Variants in KAZN observed in about 807,000 individuals in gnomAD.
The protein encoded by KAZN is kazrin.
In KAZN, 40 loss-of-function variants were observed where a neutral mutation model predicts 87.4. That is an observed-to-expected ratio of 0.46 (90% CI 0.36 to 0.60). KAZN has a LOEUF of 0.60. KAZN is among the 20% of genes least tolerant of loss of function. The pLI is 0.00. For synonymous variants in KAZN, 466 were observed against 458.3 expected (o/e 1.02, Z -0.22); for missense variants, 898 against 1,073.9 (o/e 0.84, Z 2.29).
chr1:14,523,997 G>C lies in KAZN; in HGVS notation c.250-74986G>C, dbSNP rs1168487991. 1.8e-4 allele frequency among the ~76,000 whole-genome samples: 6 copies of C among 33,806 alleles called. No homozygotes were observed. In the South Asian group the frequency reaches 6.5e-3, roughly 37 times the overall value. The allele number at this position is 33,806 out of a possible 152,430, so 22.2% of individuals were successfully genotyped here. On this transcript the variant is annotated intron_variant, in intron 2 of 16. Transcript: ENST00000636203. ...GGCTTAAAGGCGTGTCACTCGTTTT[G>C]TTTTGTTTTGTTTTGTTTTGTTTTG...
At chr1:14,759,159 C>T (rs1415378775) in intron 1 of KAZN, among the ~76,000 whole-genome samples, 1 of 152,184 alleles carries the variant, frequency 6.6e-6, no homozygotes, top group Non-Finnish European at 1.5e-5. Context: ...GGGAGGGGCA[C>T]ACACAGGGCA....
chr1:14,858,220 T>C (rs1202506669), intron 1 of KAZN, among the ~76,000 whole-genome samples: 1 of 137,798 alleles, frequency 7.3e-6, no homozygotes, highest in Non-Finnish European at 1.6e-5. Context: ...TTTTCTTTTT[T>C]TTTTTTTTTT....
chr1:15,017,262 C>T (rs1670214126), intron 2 of KAZN, among the ~76,000 whole-genome samples: 1 of 152,104 alleles, frequency 6.6e-6, no homozygotes, highest in Non-Finnish European at 1.5e-5. Context: ...CACACCACTG[C>T]ACTCCAGCTT....
intron 1 of KAZN, among the ~76,000 whole-genome samples, chr1:14,162,213 T>C (rs1645724457): frequency 6.6e-6 from 1 of 152,228 alleles, no homozygotes; most frequent in Admixed American, 6.5e-5. Context: ...TTTTTGCTGG[T>C]AGAACTCTGG....
chr1:13,959,969 G>A (rs4662057), intron 1 of KAZN, among the ~76,000 whole-genome samples: 24,636 of 151,898 alleles, frequency 0.16, 2,588 homozygotes, highest in Admixed American at 0.31. Flanking sequence ...GAATAGAAAC[G>A]GATACAGACT....
intron 1 of KAZN, among the ~76,000 whole-genome samples, chr1:14,874,006 GGGGGT>G (rs1652473546): frequency 6.6e-6 from 1 of 152,210 alleles, no homozygotes; most frequent in South Asian, 2.1e-4. Context: ...CGAGTTTAGA[GGGGGT>G]GGGCCAGGAG....
At chr1:14,907,490 G>A (rs886771034) in intron 1 of KAZN, among the ~76,000 whole-genome samples, 6 of 151,994 alleles carry the variant, frequency 3.9e-5, no homozygotes, top group African/African-American at 1.4e-4. Context: ...AGATCTCCAG[G>A]AGATGATTGT....
chr1:13,990,579 G>T (rs947199138), intron 1 of KAZN, among the ~76,000 whole-genome samples: 2 of 152,140 alleles, frequency 1.3e-5, no homozygotes. Flanking sequence ...ATTGACAGTA[G>T]TCTCTATATT....
chr1:15,001,429 A>G (rs1461092336), intron 2 of KAZN, among the ~76,000 whole-genome samples: 1 of 151,670 alleles, frequency 6.6e-6, no homozygotes, highest in Non-Finnish European at 1.5e-5. Context: ...TTGCACCACT[A>G]CACTTCAACC....
intron 8 of KAZN, among the ~76,000 whole-genome samples, chr1:15,087,776 G>A (rs957496426): frequency 1.3e-5 from 2 of 152,206 alleles, no homozygotes; most frequent in Non-Finnish European, 2.9e-5. Flanking sequence ...GAGCAGTCTG[G>A]ACAGTAAGTG....
intron 8 of KAZN, among the ~76,000 whole-genome samples, chr1:15,088,290 A>C (rs1487678926): frequency 6.6e-6 from 1 of 152,242 alleles, no homozygotes; most frequent in African/African-American, 2.4e-5. Context: ...GCTGACCTCT[A>C]TGCTGGGCCA....
At position 15,011,826 on chromosome 1, in the gene KAZN, G is replaced by A. The variant is rs375104572; in HGVS notation, c.419-22923G>A. Among the ~76,000 whole-genome samples, 20 of 152,260 alleles carry A rather than the reference G, an allele frequency of 1.3e-4. No individual in the cohort carries two copies. In the South Asian group the frequency reaches 2.7e-3, roughly 21 times the overall value. ...ACACTGCGCACTCAGGGTTGGGGGC[G>A]GGGCACCACTTAGCATCTTTAGGAC... On this transcript the variant is annotated intron_variant, in intron 2 of 14. Transcript: ENST00000376030.
At position 14,349,982 on chromosome 1, in the gene KAZN, A is replaced by G. The variant is rs138351187; in HGVS notation, c.249+169390A>G. ...AAAACCCGTCCCTACTGAAAATACA[A>G]AAAATTAGCCAGGTATGGTGGCAGG... On this transcript the variant is annotated intron_variant, in intron 2 of 16. Transcript: ENST00000636203. 7.3e-3 allele frequency among the ~76,000 whole-genome samples: 1,112 copies of G among 152,144 alleles called. 3 individuals are homozygous for G. Among genetic ancestry groups the G allele is most frequent in the Non-Finnish European group, 0.013 (853 of 68,000 alleles).
At chr1:14,524,095 C>T (rs1410690031) in intron 2 of KAZN, among the ~76,000 whole-genome samples, 4 of 152,022 alleles carry the variant, frequency 2.6e-5, no homozygotes, top group Admixed American at 2.6e-4. Context: ...GAGCTCGGCT[C>T]ACTGCAACCT....
At chr1:14,114,842 C>T (rs551211980) in intron 1 of KAZN, among the ~76,000 whole-genome samples, 1 of 152,208 alleles carries the variant, frequency 6.6e-6, no homozygotes, top group East Asian at 1.9e-4. Flanking sequence ...TTCCATAAGG[C>T]AGGTGCTGTT....
Position 15,096,560 on chromosome 1 carries a change from A to G in KAZN, c.1547+1627A>G, listed in dbSNP as rs973817994. Among the ~76,000 whole-genome samples the G allele has an allele frequency of 1.3e-5, 2 of 152,204 alleles. No individual in the cohort carries two copies. Among genetic ancestry groups the G allele is most frequent in the African/African-American group, 2.4e-5 (1 of 41,454 alleles). On this transcript the variant is annotated intron_variant, in intron 10 of 14. Transcript: ENST00000376030. The surrounding 1 kb of genome is among the most constrained non-coding windows in gnomAD (Gnocchi z 4.5). ...GCTGTCTTAGTCTGCTTGGGCTGCC[A>G]TAACAAAATGACACCATCTGGGTTG...
chr1:14,590,765 G>C (rs541471718), intron 2 of KAZN, among the ~76,000 whole-genome samples: 2 of 152,316 alleles, frequency 1.3e-5, no homozygotes, highest in African/African-American at 4.8e-5. Flanking sequence ...CACTCTTCCA[G>C]ATGGTTTCCA....
chr1:14,788,781 T>G (rs1296997406), intron 1 of KAZN, among the ~76,000 whole-genome samples: 1 of 152,174 alleles, frequency 6.6e-6, no homozygotes, highest in Non-Finnish European at 1.5e-5. Flanking sequence ...AGGTCACCAC[T>G]TGTACACGTG....
chr1:14,841,210 G>A (rs1409940985), intron 1 of KAZN, among the ~76,000 whole-genome samples: 1 of 151,826 alleles, frequency 6.6e-6, no homozygotes, highest in Non-Finnish European at 1.5e-5. Flanking sequence ...GAGGTCAGGA[G>A]ATCGAGAACA....
Sources: allele counts gnomAD v4.1 joint callset (sites outside exome capture counted in the v4.1 genomes callset), GRCh38; gene constraint gnomAD v4.1.1; non-coding constraint Gnocchi (gnomAD v3.1); transcripts MANE v1.5; gene names NCBI Gene and HGNC (gene_info 2026-07-23, HGNC 2026-07-21).